ZSCAN1: variants seen among roughly 807,000 people sequenced by gnomAD.
The protein encoded by ZSCAN1 is zinc finger and SCAN domain containing 1, also known as zinc finger and SCAN domain-containing protein 1.
Under a neutral mutation model 23.8 loss-of-function variants are expected in ZSCAN1, and 23 were observed. The observed-to-expected ratio is 0.97, with a 90% CI of 0.70 to 1.37. The LOEUF is 1.37. ZSCAN1 is among the 40% of genes most tolerant of loss of function. The probability of loss-of-function intolerance (pLI) is 0.00; values close to 1 mark genes in which losing one functional copy is unlikely to be tolerated. For synonymous variants in ZSCAN1, 236 were observed against 232.3 expected (o/e 1.02, Z -0.15); for missense variants, 575 against 554.0 (o/e 1.04, Z -0.38).
chr19:58,046,536 G>C (rs549052075), intron 4 of ZSCAN1: 61 of 911,580 alleles, frequency 6.7e-5, no homozygotes, highest in Non-Finnish European at 9.9e-5. Flanking sequence ...ACGCCATGAA[G>C]CAAGTCAAGC....
intron 3 of ZSCAN1, among the ~76,000 whole-genome samples, chr19:58,039,596 G>A (rs886158550): frequency 2.6e-5 from 4 of 151,942 alleles, no homozygotes; most frequent in Non-Finnish European, 4.4e-5. Context: ...GTGAAACTCC[G>A]TCTCTACTAA....
chr19:58,045,720 G>A lies in ZSCAN1; in HGVS notation c.465+5176G>A. On this transcript the variant is annotated intron_variant, in intron 4 of 5. Coordinates refer to ENST00000282326, the MANE Select transcript of ZSCAN1 (RefSeq NM_182572.4). The surrounding 1 kb of genome is among the most constrained non-coding windows in gnomAD (Gnocchi z 4.3). The stretch of plus-strand genomic sequence containing the variant: ...CGGCATGTCGGGCACGAGGCATGCG[G>A]GCCCTGGGCGTCAGGGAAAACCACC... 2.8e-6 allele frequency: 3 copies of A among 1,067,776 alleles called. No homozygotes were observed. Among genetic ancestry groups the A allele is most frequent in the Non-Finnish European group, 4.4e-6 (3 of 684,912 alleles). The allele number at this position is 1,067,776 out of a possible 1,614,324, so 66.1% of individuals were successfully genotyped here.
At position 58,048,466 on chromosome 19, in the gene ZSCAN1, C is replaced by T. The variant is rs577441618; in HGVS notation, c.466-4024C>T. Among the ~76,000 whole-genome samples, 24 of 152,260 alleles carry T rather than the reference C, an allele frequency of 1.6e-4. No homozygotes were observed. The South Asian group carries it at 5.0e-3, about 32-fold the overall frequency. On this transcript the variant is annotated intron_variant, in intron 4 of 5. Transcript: ENST00000282326. The stretch of plus-strand genomic sequence containing the variant: ...TTGGAGACCAGGCTGGACGATGGAG[C>T]GAGACCATGTTACTTTCTTTTTCTT...
Position 58,052,636 on chromosome 19 carries a change from T to A in ZSCAN1, c.604+8T>A. The A allele has an allele frequency of 6.3e-7, 1 of 1,587,496 alleles. No individual in the cohort carries two copies. Among genetic ancestry groups the A allele is most frequent in the Non-Finnish European group, 8.6e-7 (1 of 1,166,796 alleles). ...GCGCCCCTGGCTTGCTGGGTGAGTC[T>A]GGCTCCTGTGTGGATTAAGGGTTGG... On this transcript the variant is annotated splice_region_variant and intron_variant, in intron 5 of 5. Coordinates refer to ENST00000282326, the MANE Select transcript of ZSCAN1 (RefSeq NM_182572.4).
rs767043388 is a variant in ZSCAN1 at position 58,053,632 on chromosome 19, G to A, written c.808G>A (p.Gly270Ser). ...CCAGCCATCCCTCAAGCACACCAAA[G>A]GTGGTACCCAAGAGGCTGTTGCAGG... ...RHQPSLKHTKGGTQEAVAGIS... is the reference protein window; with the variant it reads ...RHQPSLKHTKSGTQEAVAGIS... Residue 270 changes from glycine to serine, a missense_variant, in exon 6 of 6, where the codon GGT (glycine) becomes AGT (serine). Transcript: ENST00000282326. This position sits in a 1 kb window ranked among gnomAD's most constrained non-coding sequence, Gnocchi z 5.8. The A allele has an allele frequency of 6.2e-7, 1 of 1,614,148 alleles. No homozygotes were observed. Among genetic ancestry groups the A allele is most frequent in the Non-Finnish European group, 8.5e-7 (1 of 1,180,034 alleles).
At chr19:58,036,399 C>CAAACGA (rs1391019786) in intron 2 of ZSCAN1, among the ~76,000 whole-genome samples, 1 of 152,142 alleles carries the variant, frequency 6.6e-6, no homozygotes, top group Non-Finnish European at 1.5e-5. Flanking sequence ...TAAAGACAAA[C>CAAACGA]AAACGAAACC....
chr19:58,043,391 T>A (rs1289740450), intron 4 of ZSCAN1, among the ~76,000 whole-genome samples: 1 of 152,240 alleles, frequency 6.6e-6, no homozygotes, highest in East Asian at 1.9e-4. Context: ...CAATGTTGTT[T>A]GTGGATTTAA....
In ZSCAN1 at chr19:58,040,070, C is replaced by T. The variant is rs1379426303; in HGVS notation, c.371-380C>T. On this transcript the variant is annotated intron_variant, in intron 3 of 5. Coordinates refer to ENST00000282326, the MANE Select transcript of ZSCAN1 (RefSeq NM_182572.4). This position sits in a 1 kb window ranked among gnomAD's most constrained non-coding sequence, Gnocchi z 5.8. Reference sequence around the variant, plus strand: ...TCTTGACCCTTCTGTCAATGGTGTCCTGAACCCTGCTTCAGCAGTCGTCCT... The same window carrying T: ...TCTTGACCCTTCTGTCAATGGTGTCTTGAACCCTGCTTCAGCAGTCGTCCT... 6.6e-6 allele frequency among the ~76,000 whole-genome samples: 1 copy of T among 152,164 alleles called. No homozygotes were observed. Among genetic ancestry groups the T allele is most frequent in the Non-Finnish European group, 1.5e-5 (1 of 68,040 alleles).
At chr19:58,044,788 G>A in intron 4 of ZSCAN1, 1 of 725,234 alleles carries the variant, frequency 1.4e-6, no homozygotes, top group Non-Finnish European at 2.5e-6. Context: ...CTTCAGAGGC[G>A]ATCACCTCAG....
rs2073779027 is a variant in ZSCAN1, at chr19:58,040,413, G to A, written c.371-37G>A. 2 of 1,607,108 alleles carry A rather than the reference G, an allele frequency of 1.2e-6. No individual in the cohort carries two copies. Among genetic ancestry groups the A allele is most frequent in the African/African-American group, 2.7e-5 (2 of 74,810 alleles). On this transcript the variant is annotated intron_variant, in intron 3 of 5. Transcript: ENST00000282326. This position sits in a 1 kb window ranked among gnomAD's most constrained non-coding sequence, Gnocchi z 5.8. ...CCTGGAGAATTGGGGGCTCTGGGAA[G>A]AACAGGCCCCTCTCACGATCCCTTT...
In ZSCAN1 at chr19:58,044,979, C is replaced by G. The variant is rs1041959649; in HGVS notation, c.465+4435C>G. The G allele has an allele frequency of 2.7e-6, 3 of 1,129,572 alleles. No homozygotes were observed. In the African/African-American group the frequency reaches 4.6e-5, roughly 17 times the overall value. The allele number at this position is 1,129,572 out of a possible 1,614,324, so 70.0% of individuals were successfully genotyped here. A position where few individuals can be genotyped will look rare whatever the true frequency, so the allele number is the denominator to read the frequency against. ...CCCTCAAGTCCTTGAAGGACAAGAA[C>G]AAGAAGCTGGAGGAAGGCGGCCCTG... On this transcript the variant is annotated intron_variant, in intron 4 of 5. Transcript: ENST00000282326.
downstream of ZSCAN1, among the ~76,000 whole-genome samples, chr19:58,055,366 C>G (rs1419713871): frequency 6.6e-6 from 1 of 152,190 alleles, no homozygotes; most frequent in African/African-American, 2.4e-5. Flanking sequence ...CGCTTGCCTT[C>G]TCGGAGCGCC....
intron 3 of ZSCAN1, chr19:58,038,445 C>T (rs1042778072): frequency 1.8e-5 from 11 of 617,866 alleles, no homozygotes; most frequent in Admixed American, 5.9e-5. Flanking sequence ...ATTTCCCATG[C>T]GTCCATCTGT....
intron 4 of ZSCAN1, among the ~76,000 whole-genome samples, chr19:58,043,102 G>C (rs772546034): frequency 6.6e-6 from 1 of 152,264 alleles, no homozygotes; most frequent in Non-Finnish European, 1.5e-5. Flanking sequence ...TGAAGTCGCC[G>C]GGGATTAGCG....
At position 58,037,889 on chromosome 19, in the gene ZSCAN1, C is replaced by A; in HGVS notation, c.53C>A (p.Thr18Asn). ...TCCCCCAGACGCCCCCAGACCCCAA[C>A]CCCGAGTGAGCAGGACGCAGACCCT... ...PASPRRPQTPTPSEQDADPGP... is the reference protein window; with the variant it reads ...PASPRRPQTPNPSEQDADPGP... The change falls in exon 3 of 6, where the codon ACC (threonine) becomes AAC (asparagine). Residue 18 changes from threonine to asparagine, a missense_variant. Transcript: ENST00000282326. 4.5e-6 allele frequency: 7 copies of A among 1,552,914 alleles called. No individual in the cohort carries two copies. Among genetic ancestry groups the A allele is most frequent in the Non-Finnish European group, 6.1e-6 (7 of 1,149,902 alleles).
intron 4 of ZSCAN1, chr19:58,046,850 G>A: frequency 1.5e-6 from 1 of 667,076 alleles, no homozygotes; most frequent in East Asian, 2.6e-5. Context: ...GTGATTCTTA[G>A]TGGCTCATCT....
At chr19:58,038,332 C>T in intron 3 of ZSCAN1, 126 bp downstream of exon 3, 5 of 1,226,262 alleles carry the variant, frequency 4.1e-6, no homozygotes, top group Non-Finnish European at 5.6e-6. Context: ...CAGCAAACCT[C>T]TCCTGCCCCG....
intron 3 of ZSCAN1, 119 bp downstream of exon 3, chr19:58,038,325 C>G: frequency 7.8e-7 from 1 of 1,288,064 alleles, no homozygotes. Flanking sequence ...TCCCGACCAG[C>G]AAACCTCTCC....
rs549764291 is a variant in ZSCAN1, at chr19:58,041,562, G to A, written c.465+1018G>A. On this transcript the variant is annotated intron_variant, in intron 4 of 5. Transcript: ENST00000282326. ...TGTGTGTCTCCCACTGGCTTAGTCC[G>A]TTCTGGGTGCTGTAACAAAATACGG... 6.6e-5 allele frequency among the ~76,000 whole-genome samples: 10 copies of A among 152,336 alleles called. No individual in the cohort carries two copies. In the South Asian group the frequency reaches 1.9e-3, roughly 28 times the overall value.
Sources: allele counts gnomAD v4.1 joint callset (sites outside exome capture counted in the v4.1 genomes callset), GRCh38; gene constraint gnomAD v4.1.1; non-coding constraint Gnocchi (gnomAD v3.1); transcripts MANE v1.5; gene names NCBI Gene and HGNC (gene_info 2026-07-23, HGNC 2026-07-21).